Variants in DENND5B observed in about 807,000 individuals in gnomAD.
The protein encoded by DENND5B is DENN domain-containing protein 5B.
DENND5B carries 34 observed loss-of-function variants against 140.6 expected under a neutral mutation model. That is an observed-to-expected ratio of 0.24 (90% CI 0.18 to 0.32). DENND5B has a LOEUF of 0.32. Among genes scored for constraint, DENND5B ranks in the 10% least tolerant of loss-of-function variants. The probability of loss-of-function intolerance (pLI) is 1.00; values close to 1 mark genes in which losing one functional copy is unlikely to be tolerated. For synonymous variants in DENND5B, 551 were observed against 562.1 expected (o/e 0.98, Z 0.28); for missense variants, 1,142 against 1,560.2 (o/e 0.73, Z 4.52).
chr12:31,434,781 C>A (rs188122544), intron 7 of DENND5B, among the ~76,000 whole-genome samples: 3 of 152,130 alleles, frequency 2.0e-5, no homozygotes, highest in Admixed American at 1.3e-4. Context: ...GTCTAACATG[C>A]AACTTCACCT....
At chr12:31,528,700 G>A (rs576800837) in intron 1 of DENND5B, among the ~76,000 whole-genome samples, 3 of 152,146 alleles carry the variant, frequency 2.0e-5, no homozygotes, top group Non-Finnish European at 4.4e-5. Flanking sequence ...ACATTTCTGA[G>A]GAAACAATAG....
At chr12:31,558,981 A>G (rs1949387221) in intron 1 of DENND5B, among the ~76,000 whole-genome samples, 1 of 152,192 alleles carries the variant, frequency 6.6e-6, no homozygotes, top group African/African-American at 2.4e-5. Flanking sequence ...AAAACAGCTG[A>G]AAGAAAGAAA....
chr12:31,581,182 A>G (rs961624782), intron 1 of DENND5B, among the ~76,000 whole-genome samples: 1 of 152,196 alleles, frequency 6.6e-6, no homozygotes, highest in Non-Finnish European at 1.5e-5. Context: ...ATCTTATTCT[A>G]AATACAAAGG....
chr12:31,554,312 T>TGAA (rs1949194563), intron 1 of DENND5B, among the ~76,000 whole-genome samples: 1 of 152,208 alleles, frequency 6.6e-6, no homozygotes, highest in Non-Finnish European at 1.5e-5. Context: ...TTATTTCTCC[T>TGAA]TCACTTATGA....
intron 8 of DENND5B, chr12:31,426,685 C>A: frequency 3.2e-6 from 1 of 308,226 alleles, no homozygotes; most frequent in Non-Finnish European, 6.1e-6. Context: ...GATGACATTT[C>A]ATTTCATTTA....
intron 1 of DENND5B, among the ~76,000 whole-genome samples, chr12:31,503,306 T>G (rs1454950894): frequency 6.6e-6 from 1 of 152,186 alleles, no homozygotes; most frequent in Non-Finnish European, 1.5e-5. Flanking sequence ...ATGCCTGTAA[T>G]CCTAGCACTT....
chr12:31,545,163 A>G (rs1321893822), intron 1 of DENND5B, among the ~76,000 whole-genome samples: 1 of 152,176 alleles, frequency 6.6e-6, no homozygotes, highest in Non-Finnish European at 1.5e-5. Flanking sequence ...AAAAAAACTA[A>G]AAAATTCACG....
intron 2 of DENND5B, among the ~76,000 whole-genome samples, chr12:31,483,243 T>C (rs11051445): frequency 0.019 from 2,842 of 152,282 alleles, 221 homozygotes; most frequent in East Asian, 0.12. Context: ...AGAGTGCCTA[T>C]ACCAGGATCT....
rs761109656 is a variant in DENND5B at position 31,480,221 on chromosome 12, T to C, written c.272A>G (p.Gln91Arg). The change falls in exon 3 of 21, where the codon CAA becomes CGA. Residue 91 changes from glutamine to arginine, a missense_variant. Transcript: ENST00000389082. ...CMPKGLSFRT[Q>R]TDNKDPQFHS... Reference sequence around the variant, plus strand: ...AAACTGGGGGTCTTTATTGTCCGTTTGTGTCCTGAAAGATAGCCCTTTAGG... The same window carrying C: ...AAACTGGGGGTCTTTATTGTCCGTTCGTGTCCTGAAAGATAGCCCTTTAGG... The C allele has an allele frequency of 2.0e-5, 32 of 1,595,164 alleles. No individual in the cohort carries two copies. The highest frequency in any genetic ancestry group is 2.4e-5 in the Non-Finnish European group (28 of 1,171,168).
At position 31,521,313 on chromosome 12, in the gene DENND5B, C is replaced by CTT. The variant is rs10718996; in HGVS notation, c.128-25396_128-25395dup. Among the ~76,000 whole-genome samples the CTT allele has an allele frequency of 2.8e-3, 407 of 147,724 alleles. 2 individuals carry two copies. The highest frequency in any genetic ancestry group is 2.3e-3 in the African/African-American group (92 of 40,124). On this transcript the variant is annotated intron_variant, in intron 1 of 20. Transcript: ENST00000389082. ...AGACATTCACTTTAGTACAAAAAAA[C>CTT]TTTTTTTTTTTTTTAATATTTAGAG...
At position 31,479,586 on chromosome 12, in the gene DENND5B, T is replaced by C; in HGVS notation, c.904+3A>G. The C allele has an allele frequency of 6.8e-7, 1 of 1,481,002 alleles. No homozygotes were observed. The highest frequency in any genetic ancestry group is 9.0e-7 in the Non-Finnish European group (1 of 1,116,338). 91.7% of individuals were successfully genotyped at this position (1,481,002 alleles called of 1,614,324 possible). On this transcript the variant is annotated splice_donor_region_variant and intron_variant, in intron 3 of 20. Coordinates refer to ENST00000389082, the MANE Select transcript of DENND5B (RefSeq NM_144973.4). ...GAAAATGTAAAATCCAAGGAAAACC[T>C]ACCTTGTGAGTAGAGAAGGATTTGC...
intron 2 of DENND5B, among the ~76,000 whole-genome samples, chr12:31,483,151 T>C (rs2138585299): frequency 6.6e-6 from 1 of 152,326 alleles, no homozygotes; most frequent in Admixed American, 6.5e-5. Context: ...ATAATATTTC[T>C]ACTTTCACAC....
At chr12:31,545,738 G>A (rs1175303888) in intron 1 of DENND5B, among the ~76,000 whole-genome samples, 1 of 151,978 alleles carries the variant, frequency 6.6e-6, no homozygotes, top group African/African-American at 2.4e-5. Context: ...TGGATGGCTT[G>A]AGCCCAAGAG....
rs923596780 is a variant in DENND5B, at chr12:31,384,086, C to T, written c.*3517G>A. The T allele has an allele frequency of 7.2e-5, 11 of 152,180 alleles. No homozygotes were observed. The highest frequency in any genetic ancestry group is 2.4e-4 in the African/African-American group (10 of 41,494). The allele number at this position is 152,180 out of a possible 1,614,324, so 9.4% of individuals were successfully genotyped here. On this transcript the variant is annotated 3_prime_UTR_variant, in exon 21 of 21. Transcript: ENST00000389082. ...ATGTGGGTATGGTCCTTCCAAAAGT[C>T]AGCTTAAAAGTCAAGCATTTATTCT...
chr12:31,415,341 C>T, intron 12 of DENND5B, 26 bp downstream of exon 12: 1 of 1,533,834 alleles, frequency 6.5e-7, no homozygotes, highest in Non-Finnish European at 8.9e-7. Flanking sequence ...TCACCACATG[C>T]TAACACATGT....
chr12:31,404,809 G>A (rs2568894), intron 14 of DENND5B, among the ~76,000 whole-genome samples: 25,571 of 122,722 alleles, frequency 0.21, 2,645 homozygotes, highest in Non-Finnish European at 0.26. Context: ...GCCCAGGCTG[G>A]AGTGCAATGG....
At chr12:31,429,020 T>G (rs10843946) in intron 8 of DENND5B, among the ~76,000 whole-genome samples, 1 of 151,124 alleles carries the variant, frequency 6.6e-6, no homozygotes, top group African/African-American at 2.5e-5. Flanking sequence ...TGTGAGCCAC[T>G]GCACCCGGCC....
chr12:31,442,193 C>T (rs543580890), intron 7 of DENND5B, among the ~76,000 whole-genome samples: 1 of 152,330 alleles, frequency 6.6e-6, no homozygotes, highest in East Asian at 1.9e-4. Flanking sequence ...GGTGAGACAT[C>T]TGAAGGCTCT....
At chr12:31,419,601 ATT>A (rs1388542280) in intron 11 of DENND5B, among the ~76,000 whole-genome samples, 1 of 152,200 alleles carries the variant, frequency 6.6e-6, no homozygotes, top group Non-Finnish European at 1.5e-5. Flanking sequence ...TAGGTAAGTA[ATT>A]AATAGATAAT....
Sources: allele counts gnomAD v4.1 joint callset (sites outside exome capture counted in the v4.1 genomes callset), GRCh38; gene constraint gnomAD v4.1.1; transcripts MANE v1.5; gene names NCBI Gene and HGNC (gene_info 2026-07-23, HGNC 2026-07-21).